Variants in TBC1D5 observed in about 807,000 individuals in gnomAD.
The protein encoded by TBC1D5 is TBC1 domain family, member 5.
TBC1D5 carries 75 observed loss-of-function variants against 100.3 expected under a neutral mutation model. The observed-to-expected ratio is 0.75, with a 90% CI of 0.62 to 0.91. The LOEUF (loss-of-function observed/expected upper bound fraction) is 0.91. Among genes scored for constraint, TBC1D5 ranks in the 40% least tolerant of loss-of-function variants. TBC1D5 has a pLI of 0.00. For missense variants in TBC1D5, 910 were observed against 942.4 expected, an observed-to-expected ratio of 0.97 and a Z score of 0.45; for synonymous variants, 323 against 325.6, an observed-to-expected ratio of 0.99 and a Z score of 0.09.
At chr3:17,617,442 G>A (rs2062269674) in intron 2 of TBC1D5, among the ~76,000 whole-genome samples, 2 of 152,188 alleles carry the variant, frequency 1.3e-5, no homozygotes, top group South Asian at 4.1e-4. Flanking sequence ...ATGTTGGCCT[G>A]CCTTGCTAGG....
rs138763796 is a variant in TBC1D5 at position 17,589,730 on chromosome 3, A to G, written c.-36+34119T>C. Among the ~76,000 whole-genome samples, 13 of 152,332 alleles carry G rather than the reference A, an allele frequency of 8.5e-5. No homozygotes were observed. In the East Asian group the frequency reaches 2.5e-3, roughly 29 times the overall value. ...TCGTATTTTAATTGCCCCATCAGGC[A>G]TTTCAGTCATTTAATATTTGTTGTC... On this transcript the variant is annotated intron_variant, in intron 2 of 21. Coordinates refer to ENST00000253692, the Ensembl canonical transcript of TBC1D5.
chr3:17,543,357 G>T (rs1319214073), intron 2 of TBC1D5, among the ~76,000 whole-genome samples: 1 of 152,208 alleles, frequency 6.6e-6, no homozygotes, highest in African/African-American at 2.4e-5. Context: ...AAAAGGCTGA[G>T]AGTCGTGGCT....
At chr3:17,445,219 G>A (rs1237717204) in intron 3 of TBC1D5, among the ~76,000 whole-genome samples, 11 of 152,004 alleles carry the variant, frequency 7.2e-5, no homozygotes, top group Admixed American at 7.2e-4. Flanking sequence ...CTTTTCCATG[G>A]ATTAAAACAG....
chr3:17,621,260 T>A (rs1457716816), intron 2 of TBC1D5, among the ~76,000 whole-genome samples: 1 of 152,196 alleles, frequency 6.6e-6, no homozygotes, highest in Non-Finnish European at 1.5e-5. Flanking sequence ...TACAGATGCA[T>A]GTGTATACAT....
intron 4 of TBC1D5, among the ~76,000 whole-genome samples, chr3:17,415,810 G>A (rs1216134429): frequency 6.6e-6 from 1 of 151,926 alleles, no homozygotes; most frequent in African/African-American, 2.4e-5. Flanking sequence ...AATTAATAAG[G>A]AAAAAATCCT....
chr3:17,292,447 G>A lies in TBC1D5; in HGVS notation c.1139-446C>T, dbSNP rs538950989. Among the ~76,000 whole-genome samples the A allele has an allele frequency of 2.0e-5, 3 of 152,084 alleles. No individual in the cohort carries two copies. In the South Asian group the frequency reaches 6.2e-4, roughly 32 times the overall value. ...ATTACAACTTGTTACATTTTCTTTT[G>A]TATAGGTAAACATTACGTAACTCAA... On this transcript the variant is annotated intron_variant, in intron 14 of 21. Transcript: ENST00000253692.
At chr3:17,705,433 G>A (rs2073986971) in intron 1 of TBC1D5, among the ~76,000 whole-genome samples, 1 of 143,972 alleles carries the variant, frequency 6.9e-6, no homozygotes, top group African/African-American at 2.6e-5. Flanking sequence ...CGGGCGGAGA[G>A]GCTCCTCACT....
rs181573280 is a variant in TBC1D5 at position 17,299,315 on chromosome 3, T to C, written c.1139-7314A>G. On this transcript the variant is annotated intron_variant, in intron 14 of 21. Coordinates refer to ENST00000253692, the Ensembl canonical transcript of TBC1D5. The stretch of plus-strand genomic sequence containing the variant: ...TCATGCTACTCAGAATGGGATACAA[T>C]TTAAAACTTAGGAGGTTTTTTTATT... Among the ~76,000 whole-genome samples, 8 of 152,326 alleles carry C rather than the reference T, an allele frequency of 5.3e-5. No homozygotes were observed. The East Asian group carries it at 1.5e-3, about 29-fold the overall frequency.
At chr3:17,535,155 T>A (rs1449399255) in intron 2 of TBC1D5, among the ~76,000 whole-genome samples, 1 of 152,180 alleles carries the variant, frequency 6.6e-6, no homozygotes, top group South Asian at 2.1e-4. Context: ...TTAGAACATG[T>A]GTATAGTGAC....
At chr3:17,176,346 A>C (rs1444775541) in intron 19 of TBC1D5, among the ~76,000 whole-genome samples, 1 of 152,192 alleles carries the variant, frequency 6.6e-6, no homozygotes, top group Non-Finnish European at 1.5e-5. Context: ...TGTTGTGTTA[A>C]ATGCTCTACC....
intron 1 of TBC1D5, among the ~76,000 whole-genome samples, chr3:17,625,725 C>A (rs2062994542): frequency 6.6e-6 from 1 of 151,906 alleles, no homozygotes; most frequent in South Asian, 2.1e-4. Flanking sequence ...AAAAATCATG[C>A]CTATGAAATA....
chr3:17,245,403 T>C (rs564423360), intron 16 of TBC1D5, among the ~76,000 whole-genome samples: 1 of 152,352 alleles, frequency 6.6e-6, no homozygotes, highest in Admixed American at 6.5e-5. Flanking sequence ...TAAAGATCTT[T>C]ATTAAAACTA....
intron 13 of TBC1D5, among the ~76,000 whole-genome samples, chr3:17,326,648 A>AT (rs1480783063): frequency 6.6e-6 from 1 of 152,004 alleles, no homozygotes; most frequent in Non-Finnish European, 1.5e-5. Flanking sequence ...TTTAAAATTT[A>AT]TTTTTTGTAG....
rs547353463 is a variant in TBC1D5 at position 17,264,472 on chromosome 3, G to A, written c.1246-5881C>T. Among the ~76,000 whole-genome samples the A allele has an allele frequency of 9.9e-4, 151 of 152,338 alleles. 1 individual carries two copies. The highest frequency in any genetic ancestry group is 3.5e-3 in the African/African-American group (146 of 41,578). On this transcript the variant is annotated intron_variant, in intron 15 of 21. Coordinates refer to ENST00000253692, the Ensembl canonical transcript of TBC1D5. The stretch of plus-strand genomic sequence containing the variant: ...ATAAATATTGGCAGAACTGAAAAGA[G>A]CAAAAGAATATCAATTCCAGAGATG...
intron 2 of TBC1D5, among the ~76,000 whole-genome samples, chr3:17,579,879 C>G (rs1248287046): frequency 6.6e-6 from 1 of 152,038 alleles, no homozygotes; most frequent in Non-Finnish European, 1.5e-5. Flanking sequence ...TTGAGAGAGA[C>G]AGCAGAGATC....
intron 4 of TBC1D5, among the ~76,000 whole-genome samples, chr3:17,424,980 T>C (rs1453227234): frequency 6.6e-6 from 1 of 152,204 alleles, no homozygotes; most frequent in African/African-American, 2.4e-5. Flanking sequence ...ATATTGAGAA[T>C]GTCAAATCTC....
At chr3:17,275,732 C>CA (rs1489747969) in intron 15 of TBC1D5, among the ~76,000 whole-genome samples, 1 of 152,076 alleles carries the variant, frequency 6.6e-6, no homozygotes, top group Non-Finnish European at 1.5e-5. Context: ...AGAGAAGAGT[C>CA]AAAGAGGCAC....
At chr3:17,690,693 C>A (rs1394223951) in intron 1 of TBC1D5, among the ~76,000 whole-genome samples, 2 of 152,126 alleles carry the variant, frequency 1.3e-5, no homozygotes, top group Non-Finnish European at 2.9e-5. Context: ...CTTTTGTGAA[C>A]TGTACATGTG....
rs562739620 is a variant in TBC1D5 at position 17,190,305 on chromosome 3, G to A, written c.1753-5097C>T. 3.4e-3 allele frequency among the ~76,000 whole-genome samples: 519 copies of A among 152,290 alleles called. 4 individuals are homozygous for A. The highest frequency in any genetic ancestry group is 0.011 in the African/African-American group (473 of 41,564). ...AGAGAGGTACAAGATAAGTTCTGTA[G>A]AAGAGACGTGAGAGAGGACTCCTTA... On this transcript the variant is annotated intron_variant, in intron 18 of 21. Coordinates refer to ENST00000253692, the Ensembl canonical transcript of TBC1D5.
Sources: gnomAD v4.1 joint callset for allele counts (sites outside exome capture counted in the v4.1 genomes callset) on GRCh38, gnomAD v4.1.1 for gene constraint, MANE v1.5 for transcripts, NCBI Gene and HGNC (gene_info 2026-07-23, HGNC 2026-07-21) for gene names.